PARD3B: variants seen among roughly 807,000 people sequenced by gnomAD.
PARD3B encodes partitioning defective 3 homolog B.
PARD3B carries 103 observed loss-of-function variants against 130.2 expected under a neutral mutation model. The ratio of observed to expected loss-of-function variants is 0.79; its 90% CI spans 0.67 to 0.93. PARD3B has a LOEUF of 0.93. PARD3B is among the 40% of genes least tolerant of loss of function. The probability of loss-of-function intolerance (pLI) is 0.00; values close to 1 mark genes in which losing one functional copy is unlikely to be tolerated. For missense variants in PARD3B, 1,609 were observed against 1,499.2 expected (o/e 1.07, Z -1.21); for synonymous variants, 583 against 553.2 (o/e 1.05, Z -0.76).
chr2:204,886,667 GCAA>G (rs1375847576), intron 2 of PARD3B, among the ~76,000 whole-genome samples: 1 of 152,138 alleles, frequency 6.6e-6, no homozygotes, highest in Non-Finnish European at 1.5e-5. Context: ...CGATGTCTGT[GCAA>G]CATATGAAAT....
At chr2:205,219,744 T>C (rs1157520008) in intron 15 of PARD3B, among the ~76,000 whole-genome samples, 1 of 152,190 alleles carries the variant, frequency 6.6e-6, no homozygotes, top group Non-Finnish European at 1.5e-5. Context: ...ACTACGTCTT[T>C]ATGGTTACTT....
chr2:204,628,447 G>T (rs2034562331), intron 1 of PARD3B, among the ~76,000 whole-genome samples: 1 of 151,928 alleles, frequency 6.6e-6, no homozygotes, highest in South Asian at 2.1e-4. Flanking sequence ...TTAAAGAGAG[G>T]GGAGAGAACA....
At chr2:205,476,394 G>A in intron 20 of PARD3B, among the ~76,000 whole-genome samples, 1 of 152,080 alleles carries the variant, frequency 6.6e-6, no homozygotes, top group East Asian at 1.9e-4. Context: ...GCCACAGTAA[G>A]TAGGCTTCTC....
chr2:205,113,392 GGGTGT>G lies in PARD3B; in HGVS notation c.594-97_594-93del, dbSNP rs1559450783. ...TATTAGTTGATATAATCCTGAGCAG[GGGTGT>G]GTGTGTGTGTGTGTGTGTGTGTGTG... On this transcript the variant is annotated intron_variant, in intron 5 of 22. Coordinates refer to ENST00000406610, the MANE Select transcript of PARD3B (RefSeq NM_001302769.2). 31 of 546,580 alleles carry G rather than the reference GGGTGT, an allele frequency of 5.7e-5. 1 individual carries two copies. Among genetic ancestry groups the G allele is most frequent in the African/African-American group, 4.7e-4 (16 of 34,124 alleles). 33.9% of individuals were successfully genotyped at this position (546,580 alleles called of 1,614,324 possible).
chr2:204,956,885 T>G (rs1048915997), intron 2 of PARD3B, among the ~76,000 whole-genome samples: 2 of 152,216 alleles, frequency 1.3e-5, no homozygotes, highest in Non-Finnish European at 2.9e-5. Flanking sequence ...CCTGCTTTTG[T>G]TCTGGCTTGC....
At chr2:205,238,719 A>C (rs1357152350) in intron 15 of PARD3B, among the ~76,000 whole-genome samples, 13 of 147,686 alleles carry the variant, frequency 8.8e-5, no homozygotes, top group African/African-American at 3.0e-4. Flanking sequence ...GTAATCCCAG[A>C]TACTTGGGAG....
chr2:204,870,999 A>G (rs1212989056), intron 2 of PARD3B, among the ~76,000 whole-genome samples: 1 of 152,178 alleles, frequency 6.6e-6, no homozygotes, highest in Non-Finnish European at 1.5e-5. Context: ...TTGTATCATC[A>G]AATCCAAACT....
Position 204,947,087 on chromosome 2 carries a change from C to T in PARD3B, c.223-18065C>T, listed in dbSNP as rs1274670365. The stretch of plus-strand genomic sequence containing the variant: ...AATGTTAATCTCATCCAGAAACACC[C>T]TCCTAGTACACCCAGAAATAAGGTT... On this transcript the variant is annotated intron_variant, in intron 2 of 22. Transcript: ENST00000406610. Among the ~76,000 whole-genome samples the T allele has an allele frequency of 3.9e-5, 6 of 152,146 alleles. No homozygotes were observed. In the East Asian group the frequency reaches 5.8e-4, roughly 15 times the overall value.
intron 2 of PARD3B, among the ~76,000 whole-genome samples, chr2:204,919,197 C>T (rs545855892): frequency 1.3e-5 from 2 of 152,238 alleles, no homozygotes; most frequent in African/African-American, 4.8e-5. Context: ...ACACTTCCCT[C>T]CTAAGTACTT....
intron 11 of PARD3B, among the ~76,000 whole-genome samples, chr2:205,165,880 T>C (rs2034785398): frequency 6.6e-6 from 1 of 152,128 alleles, no homozygotes; most frequent in Non-Finnish European, 1.5e-5. Context: ...AATTTAAATT[T>C]TACAATTTCT....
At position 205,473,997 on chromosome 2, in the gene PARD3B, T is replaced by A. The variant is rs1386754794; in HGVS notation, c.3045-25899T>A. The stretch of plus-strand genomic sequence containing the variant: ...TTATGGGTCATAAAGCACTGTCATA[T>A]ACATGTTCTTATTTCATCTTCACCA... On this transcript the variant is annotated intron_variant, in intron 20 of 22. Transcript: ENST00000406610. The surrounding 1 kb of genome is among the most constrained non-coding windows in gnomAD (Gnocchi z 4.9). Among the ~76,000 whole-genome samples the A allele has an allele frequency of 2.6e-5, 4 of 151,642 alleles. No homozygotes were observed. Among genetic ancestry groups the A allele is most frequent in the Non-Finnish European group, 5.9e-5 (4 of 67,850 alleles).
At chr2:205,204,641 G>T (rs1033535290) in intron 15 of PARD3B, among the ~76,000 whole-genome samples, 39 of 152,122 alleles carry the variant, frequency 2.6e-4, no homozygotes, top group African/African-American at 9.4e-4. Context: ...ATATAAGGAA[G>T]GAGTCCAGTT....
intron 20 of PARD3B, among the ~76,000 whole-genome samples, chr2:205,465,562 A>T: frequency 6.6e-6 from 1 of 152,248 alleles, no homozygotes; most frequent in African/African-American, 2.4e-5. Flanking sequence ...AAGTAATAGC[A>T]TTCTGATGAA....
At chr2:204,587,781 G>C (rs757009161) in intron 1 of PARD3B, among the ~76,000 whole-genome samples, 1 of 152,116 alleles carries the variant, frequency 6.6e-6, no homozygotes, top group Non-Finnish European at 1.5e-5. Flanking sequence ...ATCCCCACAT[G>C]TCATGGGAGG....
intron 4 of PARD3B, among the ~76,000 whole-genome samples, chr2:205,079,707 T>A (rs1701287727): frequency 6.6e-6 from 1 of 152,130 alleles, no homozygotes; most frequent in Admixed American, 6.6e-5. Context: ...ATTAGTAATA[T>A]ATTATTCTAA....
intron 20 of PARD3B, among the ~76,000 whole-genome samples, chr2:205,475,115 C>T (rs2048980894): frequency 6.6e-6 from 1 of 152,134 alleles, no homozygotes; most frequent in Admixed American, 6.6e-5. Flanking sequence ...CTTTTATGCA[C>T]TGAACTAAGC....
At chr2:205,133,292 C>T (rs761803767) in intron 10 of PARD3B, among the ~76,000 whole-genome samples, 4 of 152,070 alleles carry the variant, frequency 2.6e-5, no homozygotes, top group South Asian at 4.1e-4. Context: ...TTTACAGTAT[C>T]GTGTTAAAGT....
At chr2:205,047,431 A>T in intron 3 of PARD3B, 150 bp from the exon 4 acceptor site, 1 of 564,292 alleles carries the variant, frequency 1.8e-6, no homozygotes, top group Admixed American at 3.3e-5. Flanking sequence ...ACAAAAGATC[A>T]TTAAATGGAT....
chr2:205,488,634 C>T (rs2049541184), intron 20 of PARD3B, among the ~76,000 whole-genome samples: 1 of 152,112 alleles, frequency 6.6e-6, no homozygotes, highest in Non-Finnish European at 1.5e-5. Context: ...CTTGCATATA[C>T]AAGGCCATGT....
Sources: allele counts gnomAD v4.1 joint callset (sites outside exome capture counted in the v4.1 genomes callset), GRCh38; gene constraint gnomAD v4.1.1; non-coding constraint Gnocchi (gnomAD v3.1); transcripts MANE v1.5; gene names NCBI Gene and HGNC (gene_info 2026-07-23, HGNC 2026-07-21).